SPINT1: variants seen among roughly 807,000 people sequenced by gnomAD.
SPINT1 encodes kunitz-type protease inhibitor 1.
In SPINT1, 38 loss-of-function variants were observed where a neutral mutation model predicts 53.7. The observed-to-expected ratio is 0.71, with a 90% confidence interval of 0.55 to 0.93. The LOEUF (loss-of-function observed/expected upper bound fraction) is 0.93, where lower values mean the gene tolerates loss of function less well. Among genes scored for constraint, SPINT1 ranks in the 40% least tolerant of loss-of-function variants. The pLI, the probability that SPINT1 is intolerant of heterozygous loss-of-function variation, is 0.00. For missense variants in SPINT1, 645 were observed against 692.9 expected, an observed-to-expected ratio of 0.93 and a Z score of 0.78; for synonymous variants, 283 against 280.6, an observed-to-expected ratio of 1.01 and a Z score of -0.08.
Position 40,849,520 on chromosome 15 carries a change from G to A in SPINT1, c.476-3604G>A, listed in dbSNP as rs144993960. ...GCTTCCCAAAGTGTTGGGATTACAG[G>A]TATGAGCCACCACACCCAGCCACCT... On this transcript the variant is annotated intron_variant, in intron 2 of 10. Transcript: ENST00000562057. Among the ~76,000 whole-genome samples the A allele has an allele frequency of 3.3e-4, 50 of 152,280 alleles. 1 individual carries two copies. The highest frequency in any genetic ancestry group is 1.2e-3 in the African/African-American group (50 of 41,536).
At chr15:40,851,261 C>A (rs986870009) in intron 2 of SPINT1, among the ~76,000 whole-genome samples, 2 of 151,872 alleles carry the variant, frequency 1.3e-5, no homozygotes, top group Non-Finnish European at 2.9e-5. Context: ...TCAAGCGATT[C>A]TCCTGCCTCA....
intron 7 of SPINT1, 50 bp from the exon 8 acceptor site, chr15:40,854,589 C>T (rs774024222): frequency 6.2e-7 from 1 of 1,614,154 alleles, no homozygotes; most frequent in South Asian, 1.1e-5. Flanking sequence ...TGCCCTGAAC[C>T]CCTGGGAGAC....
At position 40,844,596 on chromosome 15, in the gene SPINT1, G is replaced by A; in HGVS notation, c.42G>A (p.Pro14=). The change falls in exon 2 of 11, where the codon CCG becomes CCA. Residue 14 remains proline (P), a synonymous_variant. Transcript: ENST00000562057. This position sits in a 1 kb window ranked among gnomAD's most constrained non-coding sequence, Gnocchi z 5.8. The part of the protein sequence containing the change: ...ARTMARARLA[P]AGIPAVALWL... ...CGATGGCCCGCGCCCGCCTCGCCCC[G>A]GCCGGCATCCCTGCCGTCGCCTTGT... is the stretch of plus-strand genomic sequence containing the variant. 6 of 1,609,764 alleles carry A rather than the reference G, an allele frequency of 3.7e-6. No individual in the cohort carries two copies. Among genetic ancestry groups the A allele is most frequent in the Non-Finnish European group, 5.1e-6 (6 of 1,178,822 alleles).
chr15:40,844,062 C>A lies in SPINT1; in HGVS notation c.-190C>A. 2.3e-6 allele frequency: 1 copy of A among 428,016 alleles called. No individual in the cohort carries two copies. Among genetic ancestry groups the A allele is most frequent in the Admixed American group, 2.5e-5 (1 of 40,364 alleles). The allele number at this position is 428,016 out of a possible 1,614,324, so 26.5% of individuals were successfully genotyped here. On this transcript the variant is annotated 5_prime_UTR_variant, in exon 1 of 11. Coordinates refer to ENST00000562057, the MANE Select transcript of SPINT1 (RefSeq NM_003710.4). The surrounding 1 kb of genome is among the most constrained non-coding windows in gnomAD (Gnocchi z 5.8). ...GGCGCTGACTCAGTTTCACCAGAAA[C>A]CAGGGGGAGAAGGCGGCCGAGCCCC... is the stretch of plus-strand genomic sequence containing the variant.
At position 40,854,452 on chromosome 15, in the gene SPINT1, C is replaced by A. The variant is rs118004939; in HGVS notation, c.996C>A (p.Ile332=). The change falls in exon 7 of 11, where the codon ATC becomes ATA. Residue 332 remains isoleucine (I), a synonymous_variant. Coordinates refer to ENST00000562057, the MANE Select transcript of SPINT1 (RefSeq NM_003710.4). ...TQFRCSNGCC[I]DSFLECDDTP... is the part of the protein sequence containing the mutation. ...TCCGCTGCAGCAATGGCTGCTGCAT[C>A]GACAGTTTCCTGGAGTGTGACGACA... 1 of 1,613,366 alleles carries A rather than the reference C, an allele frequency of 6.2e-7. No homozygotes were observed. Among genetic ancestry groups the A allele is most frequent in the Non-Finnish European group, 8.5e-7 (1 of 1,179,784 alleles).
chr15:40,853,217 G>C lies in SPINT1; in HGVS notation c.569G>C (p.Arg190Pro). ...AAGGATGTGGAAAACACAGATTGGC[G>C]CCTACTGCGGGGTGACACGGATGTC... ...VLKDVENTDW[R>P]LLRGDTDVRV... The change falls in exon 3 of 11, where the codon CGC (arginine) becomes CCC (proline). Residue 190 changes from arginine (R) to proline (P), a missense_variant. Coordinates refer to ENST00000562057, the MANE Select transcript of SPINT1 (RefSeq NM_003710.4). The C allele has an allele frequency of 6.2e-7, 1 of 1,614,198 alleles. No individual in the cohort carries two copies. Among genetic ancestry groups the C allele is most frequent in the Non-Finnish European group, 8.5e-7 (1 of 1,180,024 alleles).
At chr15:40,853,924 C>T in intron 5 of SPINT1, 43 bp downstream of exon 5, 1 of 1,614,068 alleles carries the variant, frequency 6.2e-7, no homozygotes, top group East Asian at 2.2e-5. Flanking sequence ...GCGACTTTCC[C>T]CCAGGGTGAG....
At chr15:40,845,753 G>A (rs1891276322) in intron 2 of SPINT1, among the ~76,000 whole-genome samples, 1 of 152,186 alleles carries the variant, frequency 6.6e-6, no homozygotes, top group Non-Finnish European at 1.5e-5. Context: ...GAAGGAGTGA[G>A]CTGTCTGGAT....
chr15:40,849,005 G>T (rs1891375831), intron 2 of SPINT1, among the ~76,000 whole-genome samples: 1 of 150,690 alleles, frequency 6.6e-6, no homozygotes. Context: ...CCAGAACTTT[G>T]GGAGGCCGGG....
rs1309729115 is a variant in SPINT1 at position 40,844,565 on chromosome 15, C to G, written c.11C>G (p.Ala4Gly). Residue 4 changes from alanine to glycine, a missense_variant, in exon 2 of 11, where the codon GCG becomes GGG. Coordinates refer to ENST00000562057, the MANE Select transcript of SPINT1 (RefSeq NM_003710.4). This position sits in a 1 kb window ranked among gnomAD's most constrained non-coding sequence, Gnocchi z 5.8. MAP[A>G]RTMARARLAP... ...CTGGGGAGGAAGGCGATGGCCCCTG[C>G]GAGGACGATGGCCCGCGCCCGCCTC... The G allele has an allele frequency of 1.2e-6, 2 of 1,610,382 alleles. No individual in the cohort carries two copies. Among genetic ancestry groups the G allele is most frequent in the African/African-American group, 1.3e-5 (1 of 74,648 alleles).
Position 40,844,275 on chromosome 15 carries a change from C to T in SPINT1, c.-66+89C>T. On this transcript the variant is annotated intron_variant, in intron 1 of 10. Transcript: ENST00000562057. This position sits in a 1 kb window ranked among gnomAD's most constrained non-coding sequence, Gnocchi z 5.8. ...CTTTGTTCTGCGCTCGTGCGTGTGTCCGGGTACTTGAGCTCCCTAGCGGTC... is the reference window on the plus strand; with the variant it reads ...CTTTGTTCTGCGCTCGTGCGTGTGTTCGGGTACTTGAGCTCCCTAGCGGTC... 1 of 547,906 alleles carries T rather than the reference C, an allele frequency of 1.8e-6. No individual in the cohort carries two copies. The highest frequency in any genetic ancestry group is 3.3e-6 in the Non-Finnish European group (1 of 307,200). The allele number at this position is 547,906 out of a possible 1,614,324, so 33.9% of individuals were successfully genotyped here. A position where few individuals can be genotyped will look rare whatever the true frequency, so the allele number is the denominator to read the frequency against.
Position 40,856,757 on chromosome 15 carries a change from C to T in SPINT1, c.1337-13C>T. ...GCCCTGGGAGCCCCTTATTCTACCC[C>T]TTCTTCCCCCAGGCTCTGTGGAGAT... On this transcript the variant is annotated splice_polypyrimidine_tract_variant and intron_variant, in intron 10 of 10. Transcript: ENST00000562057. 6.2e-7 allele frequency: 1 copy of T among 1,613,996 alleles called. No homozygotes were observed. Among genetic ancestry groups the T allele is most frequent in the African/African-American group, 1.3e-5 (1 of 75,046 alleles).
At chr15:40,849,055 G>A (rs1169537536) in intron 2 of SPINT1, among the ~76,000 whole-genome samples, 2 of 151,838 alleles carry the variant, frequency 1.3e-5, no homozygotes, top group South Asian at 2.1e-4. Context: ...GACCATCCTG[G>A]CTAACACGGT....
rs1891517931 is a variant in SPINT1 at position 40,853,256 on chromosome 15, G to T, written c.603+5G>T. On this transcript the variant is annotated splice_donor_5th_base_variant and intron_variant, in intron 3 of 10. Transcript: ENST00000562057. ...GACACGGATGTCAGGGTAGAGGTGA[G>T]ACACTGGGCTGACTCTGACCCCGCC... 6.2e-7 allele frequency: 1 copy of T among 1,614,020 alleles called. No homozygotes were observed. The highest frequency in any genetic ancestry group is 1.3e-5 in the African/African-American group (1 of 74,952).
chr15:40,846,359 C>G (rs1180614473), intron 2 of SPINT1, among the ~76,000 whole-genome samples: 1 of 152,182 alleles, frequency 6.6e-6, no homozygotes, highest in Non-Finnish European at 1.5e-5. Flanking sequence ...CACTTTACAG[C>G]TTACTGATTG....
intron 2 of SPINT1, among the ~76,000 whole-genome samples, chr15:40,845,250 C>G (rs1034223263): frequency 4.8e-4 from 71 of 149,392 alleles, no homozygotes; most frequent in African/African-American, 1.6e-3. Context: ...CTTCCACGTT[C>G]AAGTGATTCT....
intron 6 of SPINT1, 107 bp from the exon 7 acceptor site, chr15:40,854,290 G>C: frequency 6.7e-7 from 1 of 1,483,904 alleles, no homozygotes; most frequent in Admixed American, 2.3e-5. Flanking sequence ...GGGGTTGGTG[G>C]AAAGGGAATG....
At position 40,856,042 on chromosome 15, in the gene SPINT1, A is replaced by G; in HGVS notation, c.1268A>G (p.Glu423Gly). The stretch of plus-strand genomic sequence containing the variant: ...TTTGAGGAAGAGCAGCAGTGCCTCG[A>G]GTCTTGTCGCGGCATCTCCAGTGAG... Reference protein sequence around the residue: ...NNFEEEQQCLESCRGISKKDV... With the variant: ...NNFEEEQQCLGSCRGISKKDV... Residue 423 changes from glutamate to glycine, a missense_variant, in exon 9 of 11, where the codon GAG becomes GGG. Glu to Gly is a moderately conservative substitution (Grantham distance 98). Transcript: ENST00000562057. The G allele has an allele frequency of 6.2e-7, 1 of 1,614,068 alleles. No individual in the cohort carries two copies. Among genetic ancestry groups the G allele is most frequent in the Non-Finnish European group, 8.5e-7 (1 of 1,180,012 alleles).
Position 40,844,297 on chromosome 15 carries a change from G to A in SPINT1, c.-66+111G>A, listed in dbSNP as rs1402745491. Reference sequence around the variant, plus strand: ...TGTCCGGGTACTTGAGCTCCCTAGCGGTCCGCCTGTCCGTCTGTCTGGCTG... The same window carrying A: ...TGTCCGGGTACTTGAGCTCCCTAGCAGTCCGCCTGTCCGTCTGTCTGGCTG... On this transcript the variant is annotated intron_variant, in intron 1 of 10. Transcript: ENST00000562057. The surrounding 1 kb of genome is among the most constrained non-coding windows in gnomAD (Gnocchi z 5.8). The A allele has an allele frequency of 6.9e-6, 4 of 576,384 alleles. No individual in the cohort carries two copies. Among genetic ancestry groups the A allele is most frequent in the African/African-American group, 2.0e-5 (1 of 50,502 alleles). The allele number at this position is 576,384 out of a possible 1,614,324, so 35.7% of individuals were successfully genotyped here.
Sources: allele counts gnomAD v4.1 joint callset (sites outside exome capture counted in the v4.1 genomes callset), GRCh38; gene constraint gnomAD v4.1.1; non-coding constraint Gnocchi (gnomAD v3.1); transcripts MANE v1.5; gene names NCBI Gene and HGNC (gene_info 2026-07-23, HGNC 2026-07-21).